Variants in TENM4 observed in about 807,000 individuals in gnomAD.
TENM4 encodes the protein teneurin transmembrane protein 4.
TENM4 carries 82 observed loss-of-function variants against 243.3 expected under a neutral mutation model. The observed-to-expected ratio is 0.34, with a 90% confidence interval of 0.28 to 0.40. The LOEUF is 0.40. TENM4 is among the 10% of genes least tolerant of loss of function. The pLI is 1.00. For missense variants in TENM4, 3,138 were observed against 3,673.3 expected (o/e 0.85, Z 3.77); for synonymous variants, 1,412 against 1,456.3 (o/e 0.97, Z 0.69).
chr11:79,277,854 T>C (rs1016477845), intron 2 of TENM4, among the ~76,000 whole-genome samples: 2 of 152,180 alleles, frequency 1.3e-5, no homozygotes, highest in Admixed American at 6.5e-5. Flanking sequence ...TCTCACCATC[T>C]TGGCCCAGAA....
intron 6 of TENM4, among the ~76,000 whole-genome samples, chr11:78,904,877 A>G (rs2136333680): frequency 6.6e-6 from 1 of 152,320 alleles, no homozygotes; most frequent in Admixed American, 6.5e-5. Flanking sequence ...GTGGAGGTAA[A>G]TCTTCACCAT....
chr11:78,980,502 G>A (rs1857767795), intron 6 of TENM4, among the ~76,000 whole-genome samples: 1 of 152,224 alleles, frequency 6.6e-6, no homozygotes, highest in African/African-American at 2.4e-5. Flanking sequence ...CTGCACATGA[G>A]GAAGTTGAGG....
chr11:78,705,394 C>T (rs772874240), intron 27 of TENM4, among the ~76,000 whole-genome samples: 7 of 152,200 alleles, frequency 4.6e-5, no homozygotes, highest in Non-Finnish European at 7.4e-5. Flanking sequence ...AGGGGCATTG[C>T]TCTTGGAGTC....
intron 12 of TENM4, among the ~76,000 whole-genome samples, chr11:78,847,192 T>C (rs1455157274): frequency 6.6e-6 from 1 of 152,340 alleles, no homozygotes; most frequent in East Asian, 1.9e-4. Context: ...AATGCTACTC[T>C]AGTGGGGATT....
At chr11:79,237,815 G>A (rs183867231) in intron 2 of TENM4, among the ~76,000 whole-genome samples, 40 of 152,250 alleles carry the variant, frequency 2.6e-4, no homozygotes, top group African/African-American at 8.2e-4. Flanking sequence ...GCTCTTTTTC[G>A]TTTCCTGCTT....
intron 21 of TENM4, 107 bp from the exon 22 acceptor site, chr11:78,729,750 G>C: frequency 7.8e-6 from 11 of 1,412,674 alleles, no homozygotes; most frequent in Non-Finnish European, 1.0e-5. Context: ...TAGAGGGAAA[G>C]GCAGAAGGAG....
intron 6 of TENM4, among the ~76,000 whole-genome samples, chr11:78,989,641 G>A (rs774084216): frequency 3.6e-4 from 55 of 152,194 alleles, no homozygotes; most frequent in Non-Finnish European, 6.2e-4. Flanking sequence ...GTTCCTCTGC[G>A]CTAACTCATG....
intron 25 of TENM4, among the ~76,000 whole-genome samples, chr11:78,715,105 CTCT>C (rs1323466429): frequency 6.6e-6 from 1 of 152,172 alleles, no homozygotes; most frequent in Admixed American, 6.5e-5. Flanking sequence ...CATTATTTAG[CTCT>C]TCTTTTACTT....
rs141828517 is a variant in TENM4 at position 79,439,663 on chromosome 11, C to CCACACACACACACA, written c.-321+832_-321+845dup. Among the ~76,000 whole-genome samples, 52 of 146,828 alleles carry CCACACACACACACA rather than the reference C, an allele frequency of 3.5e-4. 1 individual carries two copies. The highest frequency in any genetic ancestry group is 1.0e-3 in the Admixed American group (15 of 14,886). On this transcript the variant is annotated intron_variant, in intron 1 of 33. Transcript: ENST00000278550. ...GTATTCCTCGGTTGCGTGTGTGTGT[C>CCACACACACACACA]CACACACACACACACACACACACAC...
rs201214787 is a variant in TENM4, at chr11:79,344,304, G to A, written c.-320-46761C>T. Among the ~76,000 whole-genome samples, 6 of 152,170 alleles carry A rather than the reference G, an allele frequency of 3.9e-5. No homozygotes were observed. In the East Asian group the frequency reaches 1.2e-3, roughly 29 times the overall value. ...AGCATGAGGCTTTAGTGAACCAGAG[G>A]CTGAGGGAAGATACGTCTCTTCCCT... On this transcript the variant is annotated intron_variant, in intron 1 of 33. Transcript: ENST00000278550.
intron 16 of TENM4, among the ~76,000 whole-genome samples, chr11:78,780,875 CTG>C (rs577852675): frequency 2.4e-4 from 36 of 152,302 alleles, no homozygotes; most frequent in Non-Finnish European, 4.4e-4. Flanking sequence ...ACCATCAGCA[CTG>C]TGAGTTTTCA....
chr11:79,403,995 G>C (rs1406050932), intron 1 of TENM4, among the ~76,000 whole-genome samples: 1 of 152,208 alleles, frequency 6.6e-6, no homozygotes, highest in Non-Finnish European at 1.5e-5. Context: ...CTGGACAGCA[G>C]GGCAGTCCCA....
chr11:78,789,813 A>G (rs1297535868), intron 15 of TENM4, among the ~76,000 whole-genome samples: 1 of 152,198 alleles, frequency 6.6e-6, no homozygotes, highest in Non-Finnish European at 1.5e-5. Flanking sequence ...CTTAGCTAAA[A>G]TGTACTTCAT....
At position 79,378,212 on chromosome 11, in the gene TENM4, G is replaced by A. The variant is rs563150389; in HGVS notation, c.-321+62297C>T. On this transcript the variant is annotated intron_variant, in intron 1 of 33. Coordinates refer to ENST00000278550, the MANE Select transcript of TENM4 (RefSeq NM_001098816.3). ...CTGTCTCATAGGAAATCTTGTGCAT[G>A]CCTGGATCTTGGGCACTGGAGACCT... Among the ~76,000 whole-genome samples, 114 of 152,314 alleles carry A rather than the reference G, an allele frequency of 7.5e-4. 3 individuals carry two copies. The South Asian group carries it at 0.023, about 30-fold the overall frequency.
chr11:79,046,339 G>C (rs893154953), intron 6 of TENM4, among the ~76,000 whole-genome samples: 1 of 152,120 alleles, frequency 6.6e-6, no homozygotes, highest in African/African-American at 2.4e-5. Flanking sequence ...GCACCAAAAA[G>C]CTGCAAATTT....
In TENM4 at chr11:79,081,723, C is replaced by T. The variant is rs115124579; in HGVS notation, c.-65-11714G>A. On this transcript the variant is annotated intron_variant, in intron 4 of 33. Coordinates refer to ENST00000278550, the MANE Select transcript of TENM4 (RefSeq NM_001098816.3). ...CCAATGGATGTGGGCTCGGAGTGCT[C>T]GTGGCTGACACAGGTTTCAATTTTG... Among the ~76,000 whole-genome samples, 418 of 152,200 alleles carry T rather than the reference C, an allele frequency of 2.7e-3. 1 individual carries two copies. Among genetic ancestry groups the T allele is most frequent in the African/African-American group, 9.6e-3 (399 of 41,522 alleles).
chr11:79,257,669 C>T (rs539299434), intron 2 of TENM4, among the ~76,000 whole-genome samples: 1 of 152,304 alleles, frequency 6.6e-6, no homozygotes, highest in African/African-American at 2.4e-5. Flanking sequence ...AGGTTGAGAG[C>T]CTCCTCTAGT....
intron 2 of TENM4, among the ~76,000 whole-genome samples, chr11:79,235,930 C>A (rs897966370): frequency 6.6e-6 from 1 of 152,012 alleles, no homozygotes; most frequent in South Asian, 2.1e-4. Flanking sequence ...TGCCCTGATG[C>A]CTGAGGTTCA....
intron 12 of TENM4, among the ~76,000 whole-genome samples, chr11:78,832,206 A>G (rs1234834875): frequency 2.0e-5 from 3 of 152,098 alleles, no homozygotes; most frequent in Non-Finnish European, 2.9e-5. Flanking sequence ...CTTTCTTCCT[A>G]TCCAAATCCT....
Sources: gnomAD v4.1 joint callset for allele counts (sites outside exome capture counted in the v4.1 genomes callset) on GRCh38, gnomAD v4.1.1 for gene constraint, MANE v1.5 for transcripts, NCBI Gene and HGNC (gene_info 2026-07-23, HGNC 2026-07-21) for gene names.